DHRSX: variants seen among roughly 807,000 people sequenced by gnomAD.
DHRSX encodes dehydrogenase/reductase X-linked, also known as polyprenol dehydrogenase.
In DHRSX, 31 loss-of-function variants were observed where a neutral mutation model predicts 34.0. The ratio of observed to expected loss-of-function variants is 0.91; its 90% confidence interval spans 0.69 to 1.23. The LOEUF is 1.23. Among genes scored for constraint, DHRSX ranks in the 50% most tolerant of loss-of-function variants. The pLI is 0.00. For missense variants in DHRSX, 414 were observed against 428.1 expected, an observed-to-expected ratio of 0.97 and a Z score of 0.29; for synonymous variants, 201 against 183.8, an observed-to-expected ratio of 1.09 and a Z score of -0.76.
At chrX:2,297,301 G>A (rs2124498338) in intron 3 of DHRSX, among the ~76,000 whole-genome samples, 1 of 152,240 alleles carries the variant, frequency 6.6e-6, no homozygotes, top group Non-Finnish European at 1.5e-5. Flanking sequence ...TTTTGTAGTT[G>A]TTGTAGAGAT....
intron 6 of DHRSX, among the ~76,000 whole-genome samples, chrX:2,240,580 C>G (rs943760660): frequency 6.6e-6 from 1 of 151,730 alleles, no homozygotes; most frequent in Non-Finnish European, 1.5e-5. Context: ...TCTAAACTGA[C>G]TCAGAAAGAG....
intron 4 of DHRSX, among the ~76,000 whole-genome samples, chrX:2,272,449 C>T (rs1430303186): frequency 2.0e-5 from 3 of 152,134 alleles, no homozygotes; most frequent in African/African-American, 7.2e-5. Flanking sequence ...CTAGAGTCTA[C>T]GCCCCTTCCC....
chrX:2,258,901 T>G (rs1296773084), intron 5 of DHRSX, among the ~76,000 whole-genome samples: 1 of 152,176 alleles, frequency 6.6e-6, no homozygotes, highest in East Asian at 1.9e-4. Context: ...AATATTCATT[T>G]TACATAATCA....
intron 3 of DHRSX, among the ~76,000 whole-genome samples, chrX:2,405,903 T>TAAA (rs771086694): frequency 1.2e-5 from 1 of 84,226 alleles, no homozygotes; most frequent in Non-Finnish European, 2.6e-5. Flanking sequence ...GATGTGCATT[T>TAAA]AAAAAAAAAA....
intron 3 of DHRSX, among the ~76,000 whole-genome samples, chrX:2,305,708 G>A (rs777653283): frequency 4.7e-4 from 71 of 152,060 alleles, no homozygotes; most frequent in African/African-American, 1.7e-3. Context: ...GATGAATCTG[G>A]AAACCATCAT....
At position 2,263,536 on chromosome X, in the gene DHRSX, G is replaced by C. The variant is rs763655944; in HGVS notation, c.596+3204C>G. Among the ~76,000 whole-genome samples, 5 of 143,398 alleles carry C rather than the reference G, an allele frequency of 3.5e-5. No homozygotes were observed. The Admixed American group carries it at 3.5e-4, about 10-fold the overall frequency. The allele number at this position is 143,398 out of a possible 152,430, so 94.1% of individuals were successfully genotyped here. On this transcript the variant is annotated intron_variant, in intron 5 of 6. Transcript: ENST00000334651. ...TCTTTTTTTTTTTTTTTTTTGAGAC[G>C]GAATTTTGCTGTTGTTACTCCGGCT...
intron 3 of DHRSX, among the ~76,000 whole-genome samples, chrX:2,407,251 T>A (rs1384782081): frequency 6.6e-6 from 1 of 152,140 alleles, no homozygotes; most frequent in Non-Finnish European, 1.5e-5. Flanking sequence ...GATGAACAAA[T>A]GCACTCAGAC....
At chrX:2,318,364 G>A (rs1442917815) in intron 3 of DHRSX, among the ~76,000 whole-genome samples, 1 of 150,620 alleles carries the variant, frequency 6.6e-6, no homozygotes, top group East Asian at 1.9e-4. Flanking sequence ...AAAAAAAAAA[G>A]ATACCCTTCC....
At chrX:2,489,946 C>A in intron 1 of DHRSX, 1 of 1,613,890 alleles carries the variant, frequency 6.2e-7, no homozygotes. Flanking sequence ...CGCTGATGCC[C>A]CACTCGATGA....
chrX:2,489,965 T>C (rs1218254551), intron 1 of DHRSX: 3 of 1,613,738 alleles, frequency 1.9e-6, no homozygotes. Flanking sequence ...GAAGACCTCA[T>C]AGAGCACTCG....
intron 3 of DHRSX, among the ~76,000 whole-genome samples, chrX:2,360,559 G>C (rs2042920564): frequency 6.6e-6 from 1 of 151,936 alleles, no homozygotes; most frequent in Admixed American, 6.6e-5. Flanking sequence ...CTCCAGCCTG[G>C]GCAACAGAGT....
chrX:2,363,542 TGCC>T (rs2042961743), intron 3 of DHRSX, among the ~76,000 whole-genome samples: 2 of 149,034 alleles, frequency 1.3e-5, no homozygotes, highest in Admixed American at 6.6e-5. Flanking sequence ...TATGATATCA[TGCC>T]GCCATTTTAT....
At chrX:2,396,322 T>C (rs1156924747) in intron 3 of DHRSX, among the ~76,000 whole-genome samples, 1 of 151,920 alleles carries the variant, frequency 6.6e-6, no homozygotes, top group Non-Finnish European at 1.5e-5. Context: ...ACATATCTTT[T>C]GGAGATCAGC....
intron 3 of DHRSX, among the ~76,000 whole-genome samples, chrX:2,392,896 AT>A (rs2043352338): frequency 7.9e-6 from 1 of 127,324 alleles, no homozygotes; most frequent in African/African-American, 2.7e-5. Flanking sequence ...TATTGTGCAT[AT>A]TATATTATGT....
chrX:2,400,987 G>A (rs1273880627), intron 3 of DHRSX, among the ~76,000 whole-genome samples: 1 of 152,066 alleles, frequency 6.6e-6, no homozygotes. Context: ...GCATTGACCA[G>A]TGATTTCTTT....
chrX:2,410,904 C>A lies in DHRSX; in HGVS notation c.218-2091G>T, dbSNP rs748781819. 2.6e-5 allele frequency among the ~76,000 whole-genome samples: 4 copies of A among 152,234 alleles called. 1 individual carries two copies. The South Asian group carries it at 8.3e-4, about 32-fold the overall frequency. ...TGCAGACATCAGAAGACTGAAGCTG[C>A]AAAGGTAATTTGCACCTTTGACTTC... On this transcript the variant is annotated intron_variant, in intron 2 of 6. Coordinates refer to ENST00000334651, the MANE Select transcript of DHRSX (RefSeq NM_145177.3).
At chrX:2,266,381 G>A (rs1243962502) in intron 5 of DHRSX, among the ~76,000 whole-genome samples, 3 of 146,846 alleles carry the variant, frequency 2.0e-5, no homozygotes, top group Admixed American at 1.3e-4. Flanking sequence ...AGGGAGCACT[G>A]TCCCCAGAGC....
intron 3 of DHRSX, among the ~76,000 whole-genome samples, chrX:2,360,764 G>A (rs897872249): frequency 5.3e-5 from 8 of 151,984 alleles, no homozygotes; most frequent in Admixed American, 2.6e-4. Flanking sequence ...ACCGAGACAC[G>A]GCCCGATGTG....
intron 3 of DHRSX, among the ~76,000 whole-genome samples, chrX:2,372,749 C>T (rs1484427933): frequency 6.6e-6 from 1 of 151,894 alleles, no homozygotes; most frequent in Non-Finnish European, 1.5e-5. Flanking sequence ...GCTGGGATTA[C>T]AGGCACCCGC....
Sources: gnomAD v4.1 joint callset for allele counts (sites outside exome capture counted in the v4.1 genomes callset) on GRCh38, gnomAD v4.1.1 for gene constraint, MANE v1.5 for transcripts, NCBI Gene and HGNC (gene_info 2026-07-23, HGNC 2026-07-21) for gene names.